The following WWOX variants were observed in gnomAD, a reference collection of about 807,000 sequenced individuals.
The protein encoded by WWOX is WW domain-containing oxidoreductase.
WWOX carries 69 observed loss-of-function variants against 46.2 expected under a neutral mutation model. The observed-to-expected ratio is 1.49, with a 90% confidence interval of 1.23 to 1.82. The LOEUF is 1.82. Ranked by LOEUF, WWOX falls within the 40% of genes most tolerant of loss-of-function variation. WWOX has a pLI of 0.00. For missense variants in WWOX, 919 were observed against 542.6 expected (o/e 1.69, Z -6.89); for synonymous variants, 359 against 202.6 (o/e 1.77, Z -6.56).
intron 8 of WWOX, among the ~76,000 whole-genome samples, chr16:78,777,172 CTGTATTTCAAT>C (rs1230475069): frequency 2.7e-3 from 149 of 55,882 alleles, no homozygotes; most frequent in African/African-American, 7.4e-3. Context: ...TGTTCAATGG[CTGTATTTCAAT>C]GGCTGTATTT....
intron 4 of WWOX, chr16:78,123,455 G>GTTTTTTTTTTTTTTTTTTTT (rs58409419): frequency 3.1e-4 from 20 of 65,534 alleles, no homozygotes; most frequent in Non-Finnish European, 3.7e-4. Flanking sequence ...TTTTTTTTTT[G>GTTTTTTTTTTTTTTTTTTTT]TTTTTTTTTT....
intron 8 of WWOX, among the ~76,000 whole-genome samples, chr16:78,453,552 T>C (rs1474144339): frequency 1.3e-5 from 2 of 152,196 alleles, no homozygotes; most frequent in African/African-American, 2.4e-5. Flanking sequence ...GTTCAAGTTA[T>C]ATTGTGCAGA....
chr16:78,805,862 A>C lies in WWOX; in HGVS notation c.1056+373110A>C, dbSNP rs375539730. On this transcript the variant is annotated intron_variant, in intron 8 of 8. Coordinates refer to ENST00000566780, the MANE Select transcript of WWOX (RefSeq NM_016373.4). The stretch of plus-strand genomic sequence containing the variant: ...AAGATCTGCGAATATAGAAAGATTA[A>C]GAGTTTTTTTCTGCCTTGTTGGGTC... Among the ~76,000 whole-genome samples the C allele has an allele frequency of 4.6e-5, 7 of 152,364 alleles. No homozygotes were observed. In the South Asian group the frequency reaches 1.0e-3, roughly 23 times the overall value.
intron 8 of WWOX, among the ~76,000 whole-genome samples, chr16:78,444,220 T>C (rs534782055): frequency 6.6e-6 from 1 of 152,332 alleles, no homozygotes; most frequent in East Asian, 1.9e-4. Context: ...TCTTTATGTC[T>C]TACTCATCTA....
intron 5 of WWOX, among the ~76,000 whole-genome samples, chr16:78,336,712 T>A (rs1032730787): frequency 6.6e-6 from 1 of 152,242 alleles, no homozygotes; most frequent in Admixed American, 6.5e-5. Flanking sequence ...CTAATTTTTT[T>A]AAAAATTAGA....
intron 8 of WWOX, among the ~76,000 whole-genome samples, chr16:78,509,924 T>TTAA (rs1291163971): frequency 7.0e-6 from 1 of 142,622 alleles, no homozygotes; most frequent in African/African-American, 2.6e-5. Flanking sequence ...CTCATCTCTT[T>TTAA]AAAAAAAAAA....
chr16:78,686,116 A>G (rs2047851611), intron 8 of WWOX, among the ~76,000 whole-genome samples: 1 of 152,208 alleles, frequency 6.6e-6, no homozygotes, highest in African/African-American at 2.4e-5. Context: ...AGTCAGGACC[A>G]GATGTTCACT....
chr16:78,327,740 C>A (rs13333779), intron 5 of WWOX, among the ~76,000 whole-genome samples: 16,186 of 152,078 alleles, frequency 0.11, 989 homozygotes, highest in East Asian at 0.13. Flanking sequence ...CTTCAGACCC[C>A]CGACCATGGC....
chr16:78,557,460 A>C (rs2044326655), intron 8 of WWOX, among the ~76,000 whole-genome samples: 1 of 152,114 alleles, frequency 6.6e-6, no homozygotes, highest in Non-Finnish European at 1.5e-5. Flanking sequence ...TACATCCAAA[A>C]ACAAGCAGGA....
At chr16:78,241,295 T>A (rs1230003318) in intron 5 of WWOX, 1 of 152,064 alleles carries the variant, frequency 6.6e-6, no homozygotes, top group African/African-American at 2.4e-5. Context: ...TGTTTTTTTT[T>A]CCCCTTCTCT....
intron 8 of WWOX, among the ~76,000 whole-genome samples, chr16:78,943,392 T>C (rs73584234): frequency 1.3e-5 from 2 of 151,962 alleles, no homozygotes; most frequent in East Asian, 3.9e-4. Context: ...TCCGACTGCA[T>C]CGCCACTCCC....
chr16:78,607,343 A>G (rs1228953032), intron 8 of WWOX, among the ~76,000 whole-genome samples: 1 of 152,154 alleles, frequency 6.6e-6, no homozygotes, highest in African/African-American at 2.4e-5. Flanking sequence ...CGCTTACATC[A>G]TTTACTTCTC....
intron 8 of WWOX, among the ~76,000 whole-genome samples, chr16:78,631,178 A>G (rs573830174): frequency 6.6e-6 from 1 of 152,252 alleles, no homozygotes; most frequent in South Asian, 2.1e-4. Flanking sequence ...GGTTCCTTGA[A>G]CCAGTCCCCT....
At chr16:78,295,002 T>C (rs2079920622) in intron 5 of WWOX, among the ~76,000 whole-genome samples, 1 of 152,192 alleles carries the variant, frequency 6.6e-6, no homozygotes, top group African/African-American at 2.4e-5. Flanking sequence ...TGGTAGGCCA[T>C]GCTCAGAAGT....
intron 8 of WWOX, among the ~76,000 whole-genome samples, chr16:79,165,749 G>C (rs1245541039): frequency 6.6e-6 from 1 of 152,170 alleles, no homozygotes; most frequent in South Asian, 2.1e-4. Context: ...CACAGGCCAA[G>C]CTCGGCTAGT....
intron 5 of WWOX, among the ~76,000 whole-genome samples, chr16:78,203,986 C>G (rs1157817722): frequency 6.6e-6 from 1 of 152,186 alleles, no homozygotes; most frequent in Non-Finnish European, 1.5e-5. Flanking sequence ...AAGTGTGTAT[C>G]TATAGTCTGC....
intron 5 of WWOX, among the ~76,000 whole-genome samples, chr16:78,216,497 C>T (rs544614242): frequency 6.6e-6 from 1 of 150,770 alleles, no homozygotes; most frequent in Non-Finnish European, 1.5e-5. Flanking sequence ...GTTGGCATTT[C>T]TTTCTGGAGG....
At chr16:78,977,866 T>G (rs2046604405) in intron 8 of WWOX, among the ~76,000 whole-genome samples, 1 of 152,220 alleles carries the variant, frequency 6.6e-6, no homozygotes, top group Non-Finnish European at 1.5e-5. Flanking sequence ...GGACGCTTTT[T>G]GTTTTCCCCT....
At chr16:78,980,108 A>T (rs183900555) in intron 8 of WWOX, among the ~76,000 whole-genome samples, 9 of 152,326 alleles carry the variant, frequency 5.9e-5, no homozygotes, top group Non-Finnish European at 1.3e-4. Flanking sequence ...AGCCTTGGCA[A>T]CAGAGCGAGA....
Sources: allele counts gnomAD v4.1 joint callset (sites outside exome capture counted in the v4.1 genomes callset), GRCh38; gene constraint gnomAD v4.1.1; transcripts MANE v1.5; gene names NCBI Gene and HGNC (gene_info 2026-07-23, HGNC 2026-07-21).